ESRRG: variants seen among roughly 807,000 people sequenced by gnomAD.
ESRRG encodes estrogen-related receptor gamma.
A neutral mutation model predicts 44.0 loss-of-function variants in ESRRG; 13 were observed. That is an observed-to-expected ratio of 0.30 (90% CI 0.19 to 0.47). The LOEUF (loss-of-function observed/expected upper bound fraction) is 0.47. ESRRG is among the 20% of genes least tolerant of loss of function. The pLI is 1.00. For synonymous variants in ESRRG, 215 were observed against 214.6 expected, an observed-to-expected ratio of 1.00 and a Z score of -0.02; for missense variants, 395 against 580.6, an observed-to-expected ratio of 0.68 and a Z score of 3.29.
intron 1 of ESRRG, among the ~76,000 whole-genome samples, chr1:217,005,707 A>G (rs1416384570): frequency 2.0e-5 from 3 of 152,034 alleles, no homozygotes; most frequent in African/African-American, 7.2e-5. Context: ...TGGTTCTTAA[A>G]TGGTTCTTCT....
chr1:216,510,134 C>T (rs1291593986), intron 6 of ESRRG, among the ~76,000 whole-genome samples: 5 of 152,008 alleles, frequency 3.3e-5, no homozygotes, highest in African/African-American at 4.8e-5. Flanking sequence ...AAACAATGGG[C>T]GAGCTCTTAA....
At chr1:216,775,147 A>G (rs1280850730) in intron 2 of ESRRG, among the ~76,000 whole-genome samples, 2 of 151,890 alleles carry the variant, frequency 1.3e-5, no homozygotes, top group African/African-American at 2.4e-5. Flanking sequence ...TGATATGTGT[A>G]TTGTAGTAAA....
intron 3 of ESRRG, among the ~76,000 whole-genome samples, chr1:216,620,667 T>G (rs1322519122): frequency 6.6e-6 from 1 of 152,184 alleles, no homozygotes; most frequent in Non-Finnish European, 1.5e-5. Flanking sequence ...AGGGGTTTAG[T>G]CATTTATATG....
At chr1:216,709,185 G>T (rs1351459351) in intron 1 of ESRRG, among the ~76,000 whole-genome samples, 1 of 151,902 alleles carries the variant, frequency 6.6e-6, no homozygotes, top group Non-Finnish European at 1.5e-5. Flanking sequence ...TGCAAGTTCT[G>T]CACATGTATC....
At chr1:216,513,838 G>A (rs1019269452) in intron 6 of ESRRG, among the ~76,000 whole-genome samples, 1 of 152,072 alleles carries the variant, frequency 6.6e-6, no homozygotes, top group African/African-American at 2.4e-5. Context: ...GACAATTATA[G>A]TATACTGGGT....
chr1:216,533,736 G>T (rs2050089365), intron 5 of ESRRG, among the ~76,000 whole-genome samples: 1 of 152,084 alleles, frequency 6.6e-6, no homozygotes, highest in Non-Finnish European at 1.5e-5. Flanking sequence ...AGTGCAATTG[G>T]AAAGTATTTC....
chr1:217,086,803 G>A (rs1379028594), intron 1 of ESRRG, among the ~76,000 whole-genome samples: 1 of 152,094 alleles, frequency 6.6e-6, no homozygotes, highest in African/African-American at 2.4e-5. Context: ...CCTTTACTAG[G>A]ATAATGACAC....
At chr1:217,058,926 GATA>G (rs2087746678) in intron 1 of ESRRG, among the ~76,000 whole-genome samples, 1 of 146,068 alleles carries the variant, frequency 6.8e-6, no homozygotes, top group South Asian at 2.1e-4. Flanking sequence ...TAAAATATAA[GATA>G]ATATAAACTA....
chr1:216,858,928 CT>C (rs1272735169), intron 2 of ESRRG, among the ~76,000 whole-genome samples: 1 of 152,154 alleles, frequency 6.6e-6, no homozygotes, highest in Non-Finnish European at 1.5e-5. Context: ...TGGCATGGAC[CT>C]TTGGGCCAGC....
chr1:216,876,872 T>C (rs1005115218), intron 2 of ESRRG, among the ~76,000 whole-genome samples: 9 of 152,108 alleles, frequency 5.9e-5, no homozygotes, highest in Admixed American at 6.5e-5. Flanking sequence ...AATAGAATCT[T>C]CTTGAACAAA....
At chr1:216,535,684 T>C (rs1043571589) in intron 5 of ESRRG, among the ~76,000 whole-genome samples, 2 of 152,054 alleles carry the variant, frequency 1.3e-5, no homozygotes, top group Admixed American at 6.6e-5. Flanking sequence ...TTGGCCCCTC[T>C]CCATTTCTTA....
intron 1 of ESRRG, among the ~76,000 whole-genome samples, chr1:216,980,975 G>A (rs1318003056): frequency 6.6e-6 from 1 of 152,104 alleles, no homozygotes; most frequent in Non-Finnish European, 1.5e-5. Flanking sequence ...TATCCATAAA[G>A]TCTCAGCTCA....
At chr1:216,552,403 C>T (rs2056594148) in intron 5 of ESRRG, among the ~76,000 whole-genome samples, 2 of 152,120 alleles carry the variant, frequency 1.3e-5, no homozygotes, top group Non-Finnish European at 2.9e-5. Flanking sequence ...TAGCTTGTGA[C>T]CTCATGCAGA....
At chr1:216,529,137 C>T (rs1002974788) in intron 5 of ESRRG, among the ~76,000 whole-genome samples, 3 of 152,126 alleles carry the variant, frequency 2.0e-5, no homozygotes, top group African/African-American at 7.2e-5. Context: ...GTTCTACCTG[C>T]TGTGGGAACC....
At chr1:216,993,031 T>G (rs554227278) in intron 1 of ESRRG, among the ~76,000 whole-genome samples, 63 of 152,344 alleles carry the variant, frequency 4.1e-4, no homozygotes, top group African/African-American at 1.4e-3. Context: ...TTACTAGGTT[T>G]AGCTCTACCA....
At chr1:216,874,025 A>T in intron 2 of ESRRG, among the ~76,000 whole-genome samples, 1 of 54,608 alleles carries the variant, frequency 1.8e-5, no homozygotes, top group African/African-American at 7.4e-5. Flanking sequence ...GGAGGGAGGG[A>T]GTGGGGAGGG....
In ESRRG at chr1:216,883,792, T is replaced by A. The variant is rs151098317; in HGVS notation, c.-14+55790A>T. 2.7e-3 allele frequency among the ~76,000 whole-genome samples: 416 copies of A among 152,272 alleles called. 2 individuals carry two copies. Among genetic ancestry groups the A allele is most frequent in the Admixed American group, 1.3e-3 (20 of 15,296 alleles). ...TTCCAGGTAGTTACTGTGAAGAATA[T>A]CACTGCAAATGAGGATCAATGTCCA... On this transcript the variant is annotated intron_variant, in intron 2 of 7. Transcript: ENST00000359162.
chr1:216,516,738 A>G (rs894820642), intron 6 of ESRRG, among the ~76,000 whole-genome samples: 1 of 151,974 alleles, frequency 6.6e-6, no homozygotes, highest in Non-Finnish European at 1.5e-5. Flanking sequence ...AAATATTTTT[A>G]TACTGATATG....
At chr1:216,717,204 G>C (rs997553534) in intron 1 of ESRRG, among the ~76,000 whole-genome samples, 10 of 151,728 alleles carry the variant, frequency 6.6e-5, no homozygotes, top group Admixed American at 4.6e-4. Context: ...AGATACTTTT[G>C]GAAAATCCTG....
Sources: gnomAD v4.1 joint callset for allele counts (sites outside exome capture counted in the v4.1 genomes callset) on GRCh38, gnomAD v4.1.1 for gene constraint, MANE v1.5 for transcripts, NCBI Gene and HGNC (gene_info 2026-07-23, HGNC 2026-07-21) for gene names.